The following SCAP variants were observed in gnomAD, a reference collection of about 807,000 sequenced individuals.
The protein encoded by SCAP is sterol regulatory element-binding protein cleavage-activating protein.
In SCAP, 65 loss-of-function variants were observed where a neutral mutation model predicts 123.6. The ratio of observed to expected loss-of-function variants is 0.53; its 90% CI spans 0.43 to 0.65. The LOEUF (loss-of-function observed/expected upper bound fraction) is 0.65, where lower values mean the gene tolerates loss of function less well. Among genes scored for constraint, SCAP ranks in the 30% least tolerant of loss-of-function variants. SCAP has a pLI of 0.00. For missense variants in SCAP, 1,398 were observed against 1,712.5 expected (o/e 0.82, Z 3.24); for synonymous variants, 740 against 726.3 (o/e 1.02, Z -0.30).
intron 10 of SCAP, among the ~76,000 whole-genome samples, chr3:47,421,999 G>A (rs1244628939): frequency 6.6e-6 from 1 of 152,284 alleles, no homozygotes; most frequent in Non-Finnish European, 1.5e-5. Flanking sequence ...TGCGTCTGGC[G>A]ACTGCGGCAC....
rs775244381 is a variant in SCAP at position 47,435,082 on chromosome 3, G to A, written c.178C>T (p.Pro60Ser). 13 of 1,614,002 alleles carry A rather than the reference G, an allele frequency of 8.1e-6. No homozygotes were observed. Among genetic ancestry groups the A allele is most frequent in the Non-Finnish European group, 1.0e-5 (12 of 1,180,006 alleles). The change falls in exon 3 of 23, where the codon CCT becomes TCT. Residue 60 changes from proline (P) to serine (S), a missense_variant. Pro to Ser is a moderately conservative substitution (Grantham distance 74, BLOSUM62 -1). This residue lies in a region of SCAP where 319 missense variants were observed against 432.4 expected (regional missense o/e 0.74). Coordinates refer to ENST00000265565, the MANE Select transcript of SCAP (RefSeq NM_012235.4). Reference sequence around the variant, plus strand: ...GGTGGGGGCGAGTAATCCTTCACAGGGGTGGTGAATTCCACAGGTCCTGTT... The same window carrying A: ...GGTGGGGGCGAGTAATCCTTCACAGAGGTGGTGAATTCCACAGGTCCTGTT... ...PGTGPVEFTT[P>S]VKDYSPPPVD...
intron 3 of SCAP, chr3:47,434,742 C>T (rs1706500578): frequency 3.1e-6 from 1 of 325,606 alleles, no homozygotes; most frequent in South Asian, 3.5e-5. Flanking sequence ...GAGGCTGAGG[C>T]AGGAGAATCA....
rs1485441409 is a variant in SCAP at position 47,439,624 on chromosome 3, T to G, written c.122+3248A>C. Among the ~76,000 whole-genome samples the G allele has an allele frequency of 6.6e-6, 1 of 152,146 alleles. No homozygotes were observed. Among genetic ancestry groups the G allele is most frequent in the East Asian group, 1.9e-4 (1 of 5,194 alleles). On this transcript the variant is annotated intron_variant, in intron 2 of 22. Transcript: ENST00000265565. This position sits in a 1 kb window ranked among gnomAD's most constrained non-coding sequence, Gnocchi z 4.0. ...GGGCAGGTTCAGATTAACAGTACCC[T>G]CTGTCTTGCTGGGCTGCTGCTGGGA...
chr3:47,416,615 CTTTTTTTTTTTTTT>C (rs3077503), intron 18 of SCAP, among the ~76,000 whole-genome samples: 2 of 70,186 alleles, frequency 2.8e-5, no homozygotes, highest in Admixed American at 3.8e-4. Flanking sequence ...ACCCCTAACG[CTTTTTTTTTTTTTT>C]TTTTTTTTTT....
chr3:47,422,038 G>A (rs979037877), intron 10 of SCAP, among the ~76,000 whole-genome samples: 1 of 152,274 alleles, frequency 6.6e-6, no homozygotes, highest in Non-Finnish European at 1.5e-5. Context: ...GAGACCGGAG[G>A]AAGGGTCTAG....
intron 1 of SCAP, chr3:47,475,420 A>T (rs1268213148): frequency 1.3e-5 from 2 of 152,290 alleles, no homozygotes; most frequent in African/African-American, 2.4e-5. Context: ...CAAAGTGGAG[A>T]ACCTGCTCTC....
intron 1 of SCAP, among the ~76,000 whole-genome samples, chr3:47,465,994 G>A (rs539708363): frequency 2.0e-5 from 3 of 152,014 alleles, no homozygotes; most frequent in Middle Eastern, 3.4e-3. Context: ...TTAGCTGGGC[G>A]TGGTGGCAGG....
Position 47,419,816 on chromosome 3 carries a change from G to C in SCAP, c.1564-112C>G, listed in dbSNP as rs78730223. The C allele has an allele frequency of 7.6e-5, 97 of 1,272,114 alleles. No individual in the cohort carries two copies. The highest frequency in any genetic ancestry group is 9.8e-5 in the Non-Finnish European group (92 of 942,804). 78.8% of individuals were successfully genotyped at this position (1,272,114 alleles called of 1,614,324 possible). A position where few individuals can be genotyped will look rare whatever the true frequency, so the allele number is the denominator to read the frequency against. On this transcript the variant is annotated intron_variant, in intron 12 of 22. Coordinates refer to ENST00000265565, the MANE Select transcript of SCAP (RefSeq NM_012235.4). This position sits in a 1 kb window ranked among gnomAD's most constrained non-coding sequence, Gnocchi z 5.0. The stretch of plus-strand genomic sequence containing the variant: ...GGGACCTCAGGCCTGGGGATGGAGA[G>C]AGGACACAGGCCCCACTGCGTCCTT...
intron 21 of SCAP, 46 bp from the exon 22 acceptor site, chr3:47,414,432 T>C (rs1354212256): frequency 1.9e-6 from 3 of 1,601,868 alleles, no homozygotes; most frequent in East Asian, 2.2e-5. Context: ...GTGTAATACC[T>C]CTGTCAACAG....
intron 16 of SCAP, 122 bp from the exon 17 acceptor site, chr3:47,417,948 AGG>A: frequency 4.3e-6 from 1 of 235,088 alleles, no homozygotes. Context: ...GTGGGGGGAG[AGG>A]GTGGTGCGGG....
intron 3 of SCAP, among the ~76,000 whole-genome samples, chr3:47,433,277 C>T (rs1316667600): frequency 1.3e-5 from 2 of 152,194 alleles, no homozygotes; most frequent in African/African-American, 4.8e-5. Context: ...GGTGAGATAA[C>T]TGACCACTGA....
At position 47,422,502 on chromosome 3, in the gene SCAP, G is replaced by A. The variant is rs777901727; in HGVS notation, c.1185C>T (p.Asn395=). 3.1e-6 allele frequency: 5 copies of A among 1,613,740 alleles called. No individual in the cohort carries two copies. The Admixed American group carries it at 6.7e-5, about 22-fold the overall frequency. ...GGATGATGCCCAGCTCCGTGGCCAT[G>A]TTCTTCATGATGGACCAGCTCTCGC... ...LSSESWSIMK[N]MATELGIILI... The change falls in exon 10 of 23, where the codon AAC becomes AAT. Residue 395 remains asparagine, a synonymous_variant. Coordinates refer to ENST00000265565, the MANE Select transcript of SCAP (RefSeq NM_012235.4).
chr3:47,418,676 T>C lies in SCAP; in HGVS notation c.2108A>G (p.His703Arg). 1 of 1,364,920 alleles carries C rather than the reference T, an allele frequency of 7.3e-7. No individual in the cohort carries two copies. The highest frequency in any genetic ancestry group is 9.7e-7 in the Non-Finnish European group (1 of 1,029,042). 84.6% of individuals were successfully genotyped at this position (1,364,920 alleles called of 1,614,324 possible). A position where few individuals can be genotyped will look rare whatever the true frequency, so the allele number is the denominator to read the frequency against. The change falls in exon 14 of 23, where the codon CAT (histidine) becomes CGT (arginine). Residue 703 changes from histidine to arginine, a missense_variant. By Grantham distance (29) the His-to-Arg change is conservative (BLOSUM62 0). This residue lies in a region of SCAP where 828 missense variants were observed against 882.5 expected (regional missense o/e 0.94). Transcript: ENST00000265565. Reference protein sequence around the residue: ...GPKGPGGVQAHGDVTLYKVAA... With the variant: ...GPKGPGGVQARGDVTLYKVAA... ...TTACTTGTACAGCGTGACGTCTCCA[T>C]GGGCCTGCACCCCACCTGGGCCCTT...
At chr3:47,442,112 T>G (rs114141882) in intron 2 of SCAP, among the ~76,000 whole-genome samples, 1 of 152,188 alleles carries the variant, frequency 6.6e-6, no homozygotes, top group Non-Finnish European at 1.5e-5. Context: ...AGCATAGCAC[T>G]GAAAACATCT....
At chr3:47,442,396 C>T (rs1024667906) in intron 2 of SCAP, among the ~76,000 whole-genome samples, 1 of 152,158 alleles carries the variant, frequency 6.6e-6, no homozygotes, top group East Asian at 1.9e-4. Context: ...AAGTCTGAAG[C>T]AAGCTCCATG....
At chr3:47,453,814 C>T (rs769465628) in intron 1 of SCAP, among the ~76,000 whole-genome samples, 8 of 152,046 alleles carry the variant, frequency 5.3e-5, no homozygotes, top group Non-Finnish European at 8.8e-5. Flanking sequence ...CCTTTGCAGT[C>T]AAGGCTCTCT....
rs1706866848 is a variant in SCAP at position 47,443,022 on chromosome 3, C to T, written c.-29G>A. The T allele has an allele frequency of 6.2e-7, 1 of 1,612,490 alleles. No homozygotes were observed. The highest frequency in any genetic ancestry group is 1.3e-5 in the African/African-American group (1 of 74,854). ...CAGCCGAAGTCACCTTGCTGCCATC[C>T]CGGAAAGTGACCATGGATCACCCTG... is the stretch of plus-strand genomic sequence containing the variant. On this transcript the variant is annotated 5_prime_UTR_variant, in exon 2 of 23. Transcript: ENST00000265565.
At chr3:47,456,469 AT>A (rs1310670728) in intron 1 of SCAP, among the ~76,000 whole-genome samples, 1 of 152,160 alleles carries the variant, frequency 6.6e-6, no homozygotes, top group East Asian at 1.9e-4. Context: ...AATATGAAAT[AT>A]AAAAATTACT....
chr3:47,455,962 G>A (rs757457934), intron 1 of SCAP, among the ~76,000 whole-genome samples: 1 of 152,128 alleles, frequency 6.6e-6, no homozygotes, highest in Non-Finnish European at 1.5e-5. Flanking sequence ...GAATGTCCAG[G>A]AATAGACCAA....
Sources: gnomAD v4.1 joint callset for allele counts (sites outside exome capture counted in the v4.1 genomes callset) on GRCh38, gnomAD v4.1.1 for gene constraint, gnomAD v4.1.1 regional missense constraint, Gnocchi (gnomAD v3.1) non-coding constraint, MANE v1.5 for transcripts, NCBI Gene and HGNC (gene_info 2026-07-23, HGNC 2026-07-21) for gene names.